The following FBN2 variants were observed in gnomAD, a reference collection of about 807,000 sequenced individuals.
The protein encoded by FBN2 is fibrillin 2.
FBN2 carries 105 observed loss-of-function variants against 355.6 expected under a neutral mutation model. The ratio of observed to expected loss-of-function variants is 0.30; its 90% confidence interval spans 0.25 to 0.35. FBN2 has a LOEUF of 0.35. FBN2 is among the 10% of genes least tolerant of loss of function. The pLI, the probability that FBN2 is intolerant of heterozygous loss-of-function variation, is 1.00. For synonymous variants in FBN2, 1,350 were observed against 1,301.2 expected, an observed-to-expected ratio of 1.04 and a Z score of -0.81; for missense variants, 3,280 against 3,758.7, an observed-to-expected ratio of 0.87 and a Z score of 3.33.
chr5:128,470,761 C>A (rs890031809), intron 5 of FBN2, among the ~76,000 whole-genome samples: 1 of 152,076 alleles, frequency 6.6e-6, no homozygotes, highest in African/African-American at 2.4e-5. Context: ...GACAACAATA[C>A]ATCAGCTGCC....
chr5:128,451,681 T>C (rs1754252769), intron 6 of FBN2, among the ~76,000 whole-genome samples: 1 of 152,214 alleles, frequency 6.6e-6, no homozygotes. Flanking sequence ...ATTACAGGCA[T>C]GAGCCACTGC....
chr5:128,267,148 C>T (rs953086942), intron 62 of FBN2, among the ~76,000 whole-genome samples: 1 of 152,196 alleles, frequency 6.6e-6, no homozygotes. Context: ...CTGCAAAGGA[C>T]ATGCTCTCAT....
chr5:128,332,866 T>TA (rs1306068395), intron 32 of FBN2, 46 bp downstream of exon 32: 1 of 1,602,348 alleles, frequency 6.2e-7, no homozygotes, highest in Non-Finnish European at 8.5e-7. Context: ...AAAGAGCCTT[T>TA]AAAAATTTGT....
At chr5:128,275,711 A>T (rs1765378017) in intron 59 of FBN2, among the ~76,000 whole-genome samples, 1 of 152,198 alleles carries the variant, frequency 6.6e-6, no homozygotes, top group Non-Finnish European at 1.5e-5. Flanking sequence ...TTAGAGAAAT[A>T]AAAGCTTAGA....
At chr5:128,488,204 CA>C (rs11360456) in intron 5 of FBN2, among the ~76,000 whole-genome samples, 50,305 of 151,948 alleles carry the variant, frequency 0.33, 13,279 homozygotes, top group African/African-American at 0.74. Flanking sequence ...GAATCTATTA[CA>C]AAAATGAATT....
chr5:128,291,288 A>C (rs1028015244), intron 49 of FBN2, among the ~76,000 whole-genome samples: 1 of 152,218 alleles, frequency 6.6e-6, no homozygotes, highest in Non-Finnish European at 1.5e-5. Context: ...CATTCTGATA[A>C]ATCAGAATAA....
At chr5:128,479,966 CTCTCTCTCTCTATATATATA>C (rs1460119438) in intron 5 of FBN2, among the ~76,000 whole-genome samples, 13 of 31,586 alleles carry the variant, frequency 4.1e-4, no homozygotes, top group South Asian at 1.4e-3. Flanking sequence ...CTCTCTCTCT[CTCTCTCTCTCTATATATATA>C]TATATATATA....
chr5:128,347,632 T>G (rs1329404648), intron 23 of FBN2, among the ~76,000 whole-genome samples: 2 of 152,188 alleles, frequency 1.3e-5, no homozygotes, highest in African/African-American at 2.4e-5. Flanking sequence ...CTCAGAATAC[T>G]TTACATTTTC....
rs1199375914 is a variant in FBN2 at position 128,289,943 on chromosome 5, T to A, written c.6450A>T (p.Ala2150=). The part of the protein sequence containing the change: ...CELCPKDDEV[A]FQDLCPYGHG... ...GGCCATATGGACACAAATCCTGAAA[T>A]GCAACTACAAAGAAAAATACAAATT... The change falls in exon 51 of 65, where the codon GCA becomes GCT. Residue 2150 remains alanine, a synonymous_variant. Coordinates refer to ENST00000262464, the MANE Select transcript of FBN2 (RefSeq NM_001999.4). 3 of 1,592,986 alleles carry A rather than the reference T, an allele frequency of 1.9e-6. No homozygotes were observed. Among genetic ancestry groups the A allele is most frequent in the Non-Finnish European group, 2.6e-6 (3 of 1,161,118 alleles).
chr5:128,410,895 C>G (rs1753044634), intron 7 of FBN2, among the ~76,000 whole-genome samples: 1 of 152,090 alleles, frequency 6.6e-6, no homozygotes, highest in Non-Finnish European at 1.5e-5. Context: ...AATAGAAATG[C>G]TTTTAATTCA....
intron 18 of FBN2, among the ~76,000 whole-genome samples, chr5:128,362,265 G>C (rs905502702): frequency 1.3e-5 from 2 of 152,156 alleles, no homozygotes; most frequent in Admixed American, 1.3e-4. Context: ...TAAAAAGAAT[G>C]CCTTATGTCT....
chr5:128,267,772 C>T (rs764565472), intron 62 of FBN2, among the ~76,000 whole-genome samples: 13 of 152,164 alleles, frequency 8.5e-5, no homozygotes, highest in Non-Finnish European at 1.3e-4. Flanking sequence ...CTGTAGGTTG[C>T]TTGTTCACTC....
chr5:128,393,649 T>C (rs1039474795), intron 9 of FBN2, among the ~76,000 whole-genome samples: 7 of 152,384 alleles, frequency 4.6e-5, no homozygotes, highest in Non-Finnish European at 7.3e-5. Flanking sequence ...GTGCAACTCA[T>C]AAAATTCCAG....
At chr5:128,453,067 G>T (rs927060265) in intron 6 of FBN2, among the ~76,000 whole-genome samples, 1 of 152,116 alleles carries the variant, frequency 6.6e-6, no homozygotes, top group Non-Finnish European at 1.5e-5. Context: ...AACATATGGG[G>T]TGTCCTAGCA....
intron 15 of FBN2, among the ~76,000 whole-genome samples, chr5:128,371,825 G>T (rs1443521472): frequency 6.6e-6 from 1 of 152,108 alleles, no homozygotes; most frequent in African/African-American, 2.4e-5. Flanking sequence ...GAGCCACCAT[G>T]CCTGTCCCCT....
At chr5:128,504,857 C>A (rs1755912438) in intron 5 of FBN2, among the ~76,000 whole-genome samples, 1 of 152,096 alleles carries the variant, frequency 6.6e-6, no homozygotes, top group Admixed American at 6.5e-5. Context: ...GAGCCCGGGG[C>A]AGAATGATAT....
intron 6 of FBN2, among the ~76,000 whole-genome samples, chr5:128,458,092 C>T (rs1754450123): frequency 6.6e-6 from 1 of 152,038 alleles, no homozygotes; most frequent in Admixed American, 6.6e-5. Flanking sequence ...TGCAAAGACA[C>T]ACACAGGCTC....
chr5:128,265,466 TTAAA>T (rs1180331697), intron 62 of FBN2, among the ~76,000 whole-genome samples: 1 of 152,212 alleles, frequency 6.6e-6, no homozygotes, highest in African/African-American at 2.4e-5. Context: ...ATTTATAGAC[TTAAA>T]TAAATATGTT....
intron 51 of FBN2, among the ~76,000 whole-genome samples, 197 bp from the exon 52 acceptor site, chr5:128,289,449 A>G (rs914103863): frequency 3.9e-5 from 6 of 152,050 alleles, no homozygotes; most frequent in Non-Finnish European, 7.4e-5. Context: ...TTAGCCAGGC[A>G]TGGTGGCGCA....
Sources: gnomAD v4.1 joint callset for allele counts (sites outside exome capture counted in the v4.1 genomes callset) on GRCh38, gnomAD v4.1.1 for gene constraint, MANE v1.5 for transcripts, NCBI Gene and HGNC (gene_info 2026-07-23, HGNC 2026-07-21) for gene names.